Variants in PI4KA observed in about 807,000 individuals in gnomAD.
PI4KA encodes PI4-kinase alpha.
Under a neutral mutation model 271.4 loss-of-function variants are expected in PI4KA, and 122 were observed. The ratio of observed to expected loss-of-function variants is 0.45; its 90% confidence interval spans 0.39 to 0.52. The LOEUF is 0.52. PI4KA is among the 20% of genes least tolerant of loss of function. The probability of loss-of-function intolerance (pLI) is 0.00; values close to 1 mark genes in which losing one functional copy is unlikely to be tolerated. For synonymous variants in PI4KA, 1,041 were observed against 1,078.8 expected, an observed-to-expected ratio of 0.96 and a Z score of 0.69; for missense variants, 1,969 against 2,769.1, an observed-to-expected ratio of 0.71 and a Z score of 6.48.
Position 20,727,245 on chromosome 22 carries a change from C to A in PI4KA, c.4926G>T (p.Leu1642=). The part of the protein sequence containing the change: ...PLTAQYGVKV[L]RSFPPDAILF... ...CTGGGCTCACCGGAGGGAAGGACCG[C>A]AGGACTTTCACCCCGTACTGCGCCG... The change falls in exon 41 of 55, where the codon CTG becomes CTT. Residue 1642 remains leucine (L), a synonymous_variant. Coordinates refer to ENST00000255882, the MANE Select transcript of PI4KA (RefSeq NM_058004.4). 6.2e-7 allele frequency: 1 copy of A among 1,612,810 alleles called. No individual in the cohort carries two copies. Among genetic ancestry groups the A allele is most frequent in the Non-Finnish European group, 8.5e-7 (1 of 1,179,830 alleles).
In PI4KA at chr22:20,792,157, G is replaced by A. The variant is rs574761637; in HGVS notation, c.2328+1036C>T. Among the ~76,000 whole-genome samples the A allele has an allele frequency of 3.9e-5, 6 of 152,058 alleles. No homozygotes were observed. In the South Asian group the frequency reaches 6.2e-4, roughly 16 times the overall value. On this transcript the variant is annotated intron_variant, in intron 19 of 54. Coordinates refer to ENST00000255882, the MANE Select transcript of PI4KA (RefSeq NM_058004.4). The stretch of plus-strand genomic sequence containing the variant: ...AAATAAAAATAAATAAATAACATGC[G>A]ACATATGACATTTTACTACTAAAGA...
intron 32 of PI4KA, among the ~76,000 whole-genome samples, chr22:20,735,399 G>A (rs1419623960): frequency 6.9e-6 from 1 of 145,168 alleles, no homozygotes; most frequent in Admixed American, 7.0e-5. Context: ...AACACACACC[G>A]CGGCTCCCTC....
intron 7 of PI4KA, among the ~76,000 whole-genome samples, chr22:20,815,003 A>T (rs1011512024): frequency 2.6e-5 from 4 of 152,066 alleles, no homozygotes; most frequent in East Asian, 1.9e-4. Flanking sequence ...CATAAATAAA[A>T]TTATTTTAAA....
chr22:20,777,043 G>GTT (rs362134), intron 19 of PI4KA, among the ~76,000 whole-genome samples: 5 of 148,538 alleles, frequency 3.4e-5, no homozygotes, highest in South Asian at 2.1e-4. Flanking sequence ...GTTTTTTTTT[G>GTT]TTTTTTTTTT....
At chr22:20,790,699 A>AAC (rs362174) in intron 19 of PI4KA, among the ~76,000 whole-genome samples, 5,710 of 139,298 alleles carry the variant, frequency 0.041, 107 homozygotes, top group Middle Eastern at 0.062. Flanking sequence ...AAAAAAAACA[A>AAC]ACACACACAC....
At chr22:20,800,289 T>C (rs1935221461) in intron 14 of PI4KA, among the ~76,000 whole-genome samples, 1 of 152,192 alleles carries the variant, frequency 6.6e-6, no homozygotes, top group Non-Finnish European at 1.5e-5. Flanking sequence ...CAAGCTGCCA[T>C]CTTGATTTAG....
intron 1 of PI4KA, among the ~76,000 whole-genome samples, chr22:20,849,570 A>G (rs576733331): frequency 1.3e-5 from 2 of 152,280 alleles, no homozygotes; most frequent in Non-Finnish European, 2.9e-5. Context: ...AAAAACCATC[A>G]TGGCAGGTGC....
intron 30 of PI4KA, 21 bp from the exon 31 acceptor site, chr22:20,742,785 G>C: frequency 1.9e-6 from 3 of 1,612,712 alleles, no homozygotes; most frequent in Non-Finnish European, 1.7e-6. Flanking sequence ...ATTCTCATCA[G>C]CAACTAAGCA....
At chr22:20,749,681 G>A (rs1930466411) in intron 28 of PI4KA, among the ~76,000 whole-genome samples, 1 of 152,254 alleles carries the variant, frequency 6.6e-6, no homozygotes, top group Admixed American at 6.5e-5. Context: ...CCTGGTGTGA[G>A]CCGTCAGATG....
chr22:20,732,213 A>C (rs562111021), intron 36 of PI4KA, among the ~76,000 whole-genome samples: 2 of 151,458 alleles, frequency 1.3e-5, no homozygotes, highest in South Asian at 4.2e-4. Context: ...ATAAAAATAA[A>C]TAAATAAAAT....
At chr22:20,819,583 G>A (rs75618395) in intron 6 of PI4KA, 58 bp downstream of exon 6, 54,070 of 1,496,352 alleles carry the variant, frequency 0.036, 1,145 homozygotes, top group Middle Eastern at 0.064. Flanking sequence ...GATTTTCTTC[G>A]CAGGGGAGCT....
intron 1 of PI4KA, among the ~76,000 whole-genome samples, chr22:20,844,323 C>A (rs1164002125): frequency 6.6e-6 from 1 of 152,138 alleles, no homozygotes; most frequent in African/African-American, 2.4e-5. Context: ...AGGTACAGGG[C>A]TACTAGAAAG....
At chr22:20,715,734 CAA>C (rs1329380453) in intron 45 of PI4KA, among the ~76,000 whole-genome samples, 4 of 151,954 alleles carry the variant, frequency 2.6e-5, no homozygotes, top group Admixed American at 6.6e-5. Context: ...CTTGGCCTCC[CAA>C]AGTGCTGGGA....
intron 27 of PI4KA, 101 bp downstream of exon 27, chr22:20,751,192 C>G (rs904186405): frequency 1.1e-6 from 1 of 915,502 alleles, no homozygotes. Flanking sequence ...CCTCAAATTG[C>G]TGGGGACTGG....
chr22:20,759,996 A>C (rs543752534), intron 23 of PI4KA, among the ~76,000 whole-genome samples: 1 of 152,252 alleles, frequency 6.6e-6, no homozygotes, highest in Admixed American at 6.5e-5. Flanking sequence ...CACTGTGCCC[A>C]GCCTGATTTT....
chr22:20,749,875 T>C (rs1199738734), intron 28 of PI4KA, 30 bp downstream of exon 28: 5 of 1,402,442 alleles, frequency 3.6e-6, no homozygotes, highest in South Asian at 2.3e-5. Flanking sequence ...AAGGAGCTTA[T>C]GGCAATTGCC....
At chr22:20,787,999 G>A (rs74869454) in intron 19 of PI4KA, among the ~76,000 whole-genome samples, 5 of 152,182 alleles carry the variant, frequency 3.3e-5, no homozygotes, top group African/African-American at 1.2e-4. Flanking sequence ...ACCTGGTCCT[G>A]CAGTGGGTCT....
intron 2 of PI4KA, 96 bp from the exon 3 acceptor site, chr22:20,834,751 C>T: frequency 1.4e-6 from 1 of 702,862 alleles, no homozygotes; most frequent in South Asian, 1.6e-5. Context: ...AGCATATCCA[C>T]ATCCTAATCA....
chr22:20,792,680 G>C (rs1275842430), intron 19 of PI4KA, among the ~76,000 whole-genome samples: 1 of 152,198 alleles, frequency 6.6e-6, no homozygotes, highest in African/African-American at 2.4e-5. Context: ...AGGACAGGAT[G>C]GAAACAGGCT....
Sources: gnomAD v4.1 joint callset for allele counts (sites outside exome capture counted in the v4.1 genomes callset) on GRCh38, gnomAD v4.1.1 for gene constraint, MANE v1.5 for transcripts, NCBI Gene and HGNC (gene_info 2026-07-23, HGNC 2026-07-21) for gene names.